The following XPR1 variants were observed in gnomAD, a reference collection of about 807,000 sequenced individuals.
XPR1 encodes the protein xenotropic and polytropic retrovirus receptor 1.
In XPR1, 28 loss-of-function variants were observed where a neutral mutation model predicts 87.5. That is an observed-to-expected ratio of 0.32 (90% CI 0.24 to 0.44). XPR1 has a LOEUF of 0.44. Among genes scored for constraint, XPR1 ranks in the 20% least tolerant of loss-of-function variants. The probability of loss-of-function intolerance (pLI) is 1.00; values close to 1 mark genes in which losing one functional copy is unlikely to be tolerated. For missense variants in XPR1, 559 were observed against 862.3 expected (o/e 0.65, Z 4.41); for synonymous variants, 300 against 306.1 (o/e 0.98, Z 0.21).
At chr1:180,754,299 A>C (rs1647642354) in intron 2 of XPR1, among the ~76,000 whole-genome samples, 1 of 152,146 alleles carries the variant, frequency 6.6e-6, no homozygotes, top group Non-Finnish European at 1.5e-5. Context: ...ATGAGAACTC[A>C]TTATACTTTC....
chr1:180,801,056 CTG>C (rs1649763130), intron 3 of XPR1, among the ~76,000 whole-genome samples: 1 of 152,218 alleles, frequency 6.6e-6, no homozygotes, highest in South Asian at 2.1e-4. Context: ...GCCAAAATCT[CTG>C]TGTGCAAAAA....
chr1:180,854,788 C>T (rs1275497527), intron 11 of XPR1, among the ~76,000 whole-genome samples: 1 of 152,172 alleles, frequency 6.6e-6, no homozygotes, highest in Non-Finnish European at 1.5e-5. Flanking sequence ...TGACTGACCT[C>T]CTGCCTTTGT....
intron 4 of XPR1, among the ~76,000 whole-genome samples, chr1:180,804,069 T>A (rs1649892349): frequency 6.6e-6 from 1 of 151,686 alleles, no homozygotes; most frequent in Non-Finnish European, 1.5e-5. Flanking sequence ...CACTGCAACC[T>A]CCGCCTCCTG....
At chr1:180,730,916 C>T (rs1475184650) in intron 2 of XPR1, among the ~76,000 whole-genome samples, 1 of 152,112 alleles carries the variant, frequency 6.6e-6, no homozygotes, top group African/African-American at 2.4e-5. Context: ...ATCCTCCTCC[C>T]TTGGCCTCCT....
intron 2 of XPR1, among the ~76,000 whole-genome samples, chr1:180,748,738 A>G (rs1013384451): frequency 2.0e-5 from 3 of 152,082 alleles, no homozygotes; most frequent in South Asian, 2.1e-4. Context: ...TTATATCTGT[A>G]TGGTGAAATA....
At chr1:180,760,771 A>C (rs906364503) in intron 2 of XPR1, among the ~76,000 whole-genome samples, 3 of 152,220 alleles carry the variant, frequency 2.0e-5, no homozygotes, top group African/African-American at 7.2e-5. Context: ...CCTACTTTAA[A>C]GTTCATATGG....
At chr1:180,710,737 G>A (rs1054792220) in intron 2 of XPR1, among the ~76,000 whole-genome samples, 13 of 151,636 alleles carry the variant, frequency 8.6e-5, no homozygotes, top group South Asian at 2.1e-4. Context: ...ATGGGGTGGC[G>A]GCTGGGCAGA....
intron 13 of XPR1, among the ~76,000 whole-genome samples, chr1:180,875,508 C>CAAAA (rs1167673409): frequency 3.2e-5 from 2 of 63,044 alleles, no homozygotes; most frequent in African/African-American, 5.6e-5. Flanking sequence ...GACTCCGTCT[C>CAAAA]AAAAAAAAAA....
At chr1:180,741,520 C>G (rs1174980081) in intron 2 of XPR1, among the ~76,000 whole-genome samples, 1 of 152,030 alleles carries the variant, frequency 6.6e-6, no homozygotes, top group Non-Finnish European at 1.5e-5. Context: ...GAGTCTCACT[C>G]TATCACCCCG....
chr1:180,715,962 C>T (rs1016424802), intron 2 of XPR1, among the ~76,000 whole-genome samples: 14 of 152,138 alleles, frequency 9.2e-5, no homozygotes, highest in Admixed American at 4.6e-4. Flanking sequence ...TGTAAGTCAC[C>T]GTACCCGGCT....
chr1:180,785,593 T>C (rs1649109549), intron 2 of XPR1, among the ~76,000 whole-genome samples: 1 of 152,080 alleles, frequency 6.6e-6, no homozygotes, highest in Non-Finnish European at 1.5e-5. Flanking sequence ...TCTGAATTCT[T>C]GGTGATACTA....
At chr1:180,688,280 A>G (rs1283383367) in intron 2 of XPR1, among the ~76,000 whole-genome samples, 1 of 150,564 alleles carries the variant, frequency 6.6e-6, no homozygotes, top group African/African-American at 2.4e-5. Flanking sequence ...CAACATGGCC[A>G]GTTTTGCCAT....
Position 180,835,012 on chromosome 1 carries a change from G to C in XPR1, c.1273G>C (p.Glu425Gln). ...CFYSLELKWD[E>Q]SKGLLPNNSE... ...CTACAGTTTGGAGCTCAAATGGGAT[G>C]AAAGTAAGGGCCTGTTGCCAAATAA... Residue 425 changes from glutamate to glutamine, a missense_variant, in exon 10 of 15, where the codon GAA (glutamate) becomes CAA (glutamine). By Grantham distance (29) the Glu-to-Gln change is conservative. This residue lies in a region of XPR1 where 264 missense variants were observed against 377.2 expected (regional missense o/e 0.70). Transcript: ENST00000367590. 3 of 1,614,074 alleles carry C rather than the reference G, an allele frequency of 1.9e-6. No homozygotes were observed. The highest frequency in any genetic ancestry group is 2.5e-6 in the Non-Finnish European group (3 of 1,179,972).
At chr1:180,659,278 CTTCT>C (rs1429972555) in intron 1 of XPR1, among the ~76,000 whole-genome samples, 128 of 119,914 alleles carry the variant, frequency 1.1e-3, no homozygotes, top group African/African-American at 3.9e-3. Flanking sequence ...CCCTCCCTCC[CTTCT>C]TTCCCATCAG....
intron 3 of XPR1, among the ~76,000 whole-genome samples, chr1:180,795,424 A>G (rs890756106): frequency 3.3e-5 from 5 of 152,132 alleles, no homozygotes; most frequent in Admixed American, 2.0e-4. Context: ...AAATAATAAT[A>G]TTTGTTCTCA....
chr1:180,781,495 A>G (rs181539441), intron 2 of XPR1, among the ~76,000 whole-genome samples: 18 of 151,938 alleles, frequency 1.2e-4, no homozygotes, highest in African/African-American at 3.4e-4. Context: ...AAGCTTGATG[A>G]CATTATTAGT....
At chr1:180,855,003 T>C (rs1651982627) in intron 11 of XPR1, among the ~76,000 whole-genome samples, 1 of 152,200 alleles carries the variant, frequency 6.6e-6, no homozygotes, top group Non-Finnish European at 1.5e-5. Context: ...GAGTGAAACA[T>C]AGCCTCAATT....
intron 1 of XPR1, among the ~76,000 whole-genome samples, chr1:180,659,090 TCCTCCCTC>T (rs1019561163): frequency 6.7e-6 from 1 of 148,724 alleles, no homozygotes; most frequent in Non-Finnish European, 1.5e-5. Flanking sequence ...CTTCCTTCCT[TCCTCCCTC>T]CCTCCCTCCC....
chr1:180,817,659 T>TACA (rs141926372), intron 7 of XPR1, among the ~76,000 whole-genome samples: 6,341 of 152,160 alleles, frequency 0.042, 463 homozygotes, highest in African/African-American at 0.14. Context: ...TGTAGCTACA[T>TACA]ACAAGAACAT....
Sources: gnomAD v4.1 joint callset for allele counts (sites outside exome capture counted in the v4.1 genomes callset) on GRCh38, gnomAD v4.1.1 for gene constraint, gnomAD v4.1.1 regional missense constraint, MANE v1.5 for transcripts, NCBI Gene and HGNC (gene_info 2026-07-23, HGNC 2026-07-21) for gene names.